Variants in SRP54 observed in about 807,000 individuals in gnomAD.
The protein encoded by SRP54 is signal recognition particle 54.
A neutral mutation model predicts 64.8 loss-of-function variants in SRP54; 10 were observed. That is an observed-to-expected ratio of 0.15 (90% CI 0.10 to 0.26). SRP54 has a LOEUF of 0.26. Ranked by LOEUF, SRP54 falls within the 10% of genes least tolerant of loss-of-function variation. The probability of loss-of-function intolerance (pLI) is 1.00; values close to 1 mark genes in which losing one functional copy is unlikely to be tolerated. For missense variants in SRP54, 325 were observed against 613.7 expected, an observed-to-expected ratio of 0.53 and a Z score of 4.97; for synonymous variants, 193 against 185.6, an observed-to-expected ratio of 1.04 and a Z score of -0.32.
At chr14:35,007,969 A>T (rs888561794) in intron 5 of SRP54, among the ~76,000 whole-genome samples, 7 of 151,140 alleles carry the variant, frequency 4.6e-5, no homozygotes, top group African/African-American at 1.7e-4. Flanking sequence ...TTCTTTTATT[A>T]AAAAAAGACC....
Position 35,027,274 on chromosome 14 carries a change from C to A in SRP54, c.1328-814C>A, listed in dbSNP as rs929266092. Among the ~76,000 whole-genome samples, 13 of 151,916 alleles carry A rather than the reference C, an allele frequency of 8.6e-5. 1 individual carries two copies. Among genetic ancestry groups the A allele is most frequent in the Admixed American group, 8.5e-4 (13 of 15,244 alleles). ...CGAACTCCTGACCTCAAGTGATCTG[C>A]CAGCCTCGGCCTCCCAGAGTGCTAG... On this transcript the variant is annotated intron_variant, in intron 14 of 15. Transcript: ENST00000216774.
intron 1 of SRP54, among the ~76,000 whole-genome samples, chr14:34,987,257 A>ATG (rs2043912958): frequency 8.6e-6 from 1 of 116,380 alleles, no homozygotes; most frequent in African/African-American, 2.8e-5. Flanking sequence ...ATATATATAT[A>ATG]TATGTGTGTG....
chr14:34,989,517 G>T (rs1471461613), intron 1 of SRP54, among the ~76,000 whole-genome samples: 1 of 152,058 alleles, frequency 6.6e-6, no homozygotes, highest in Admixed American at 6.6e-5. Flanking sequence ...AATAGGATTT[G>T]ACATAGCTAA....
At chr14:35,002,051 A>T (rs1337365701) in intron 4 of SRP54, among the ~76,000 whole-genome samples, 4 of 151,554 alleles carry the variant, frequency 2.6e-5, no homozygotes, top group Admixed American at 6.6e-5. Flanking sequence ...AAAAAAAAAA[A>T]TTGATAAAAA....
chr14:35,006,893 A>G (rs912682634), intron 4 of SRP54, among the ~76,000 whole-genome samples: 1 of 152,194 alleles, frequency 6.6e-6, no homozygotes, highest in African/African-American at 2.4e-5. Context: ...GTCCTTATTT[A>G]TATAATTTAA....
At chr14:34,994,468 A>C (rs1163001704) in intron 1 of SRP54, among the ~76,000 whole-genome samples, 2 of 152,178 alleles carry the variant, frequency 1.3e-5, no homozygotes, top group African/African-American at 4.8e-5. Context: ...GATATTCCCC[A>C]GACCGTGTTT....
chr14:34,999,871 T>G (rs1265912473), intron 3 of SRP54: 1 of 335,744 alleles, frequency 3.0e-6, no homozygotes, highest in Non-Finnish European at 5.5e-6. Flanking sequence ...AATTACATAT[T>G]TTTTTCTATT....
At chr14:35,005,658 T>C (rs1275755796) in intron 4 of SRP54, among the ~76,000 whole-genome samples, 7 of 152,152 alleles carry the variant, frequency 4.6e-5, no homozygotes, top group Non-Finnish European at 5.9e-5. Flanking sequence ...GTCCCCCCGC[T>C]GAAAGGGCCG....
chr14:35,001,925 G>A (rs1184225621), intron 4 of SRP54, among the ~76,000 whole-genome samples: 1 of 152,054 alleles, frequency 6.6e-6, no homozygotes, highest in Admixed American at 6.6e-5. Flanking sequence ...TTTAGTCCAG[G>A]CATGGTGGCT....
At chr14:34,988,243 T>A (rs1315477814) in intron 1 of SRP54, among the ~76,000 whole-genome samples, 1 of 152,040 alleles carries the variant, frequency 6.6e-6, no homozygotes, top group Non-Finnish European at 1.5e-5. Flanking sequence ...AAAGTCATAA[T>A]TAACATTGTA....
rs1260891125 is a variant in SRP54, at chr14:35,017,854, G to T, written c.974-838G>T. Among the ~76,000 whole-genome samples the T allele has an allele frequency of 2.6e-5, 4 of 152,232 alleles. No individual in the cohort carries two copies. In the East Asian group the frequency reaches 5.8e-4, roughly 22 times the overall value. On this transcript the variant is annotated intron_variant, in intron 11 of 15. Coordinates refer to ENST00000216774, the MANE Select transcript of SRP54 (RefSeq NM_003136.4). ...TAGAAGTCCTGGGCTGTGCATGGTG[G>T]CTCACACTGTAATCCTAGTGCTTTA...
Position 35,029,057 on chromosome 14 carries a change from C to G in SRP54, c.1424-4C>G, listed in dbSNP as rs2044681180. The G allele has an allele frequency of 1.2e-6, 2 of 1,612,192 alleles. No individual in the cohort carries two copies. Among genetic ancestry groups the G allele is most frequent in the East Asian group, 2.2e-5 (1 of 44,786 alleles). On this transcript the variant is annotated splice_polypyrimidine_tract_variant and splice_region_variant and intron_variant, in intron 15 of 15. Coordinates refer to ENST00000216774, the MANE Select transcript of SRP54 (RefSeq NM_003136.4). ...TTAACTCTACTTCCCTACTTTTGCTCTAGGTGGTATGGCAGGACTTCAGTC... is the reference window on the plus strand; with the variant it reads ...TTAACTCTACTTCCCTACTTTTGCTGTAGGTGGTATGGCAGGACTTCAGTC...
At chr14:35,000,305 C>T (rs1594988111) in intron 3 of SRP54, among the ~76,000 whole-genome samples, 1 of 152,132 alleles carries the variant, frequency 6.6e-6, no homozygotes, top group Non-Finnish European at 1.5e-5. Flanking sequence ...CAGTAGCTCA[C>T]GCCTGTAATC....
chr14:35,025,863 T>C (rs2044612235), intron 14 of SRP54, among the ~76,000 whole-genome samples: 1 of 152,162 alleles, frequency 6.6e-6, no homozygotes, highest in African/African-American at 2.4e-5. Flanking sequence ...TTATAAATGC[T>C]TCTGAGAAGT....
intron 1 of SRP54, 110 bp from the exon 2 acceptor site, chr14:34,996,567 A>T (rs559111162): frequency 1.4e-5 from 9 of 627,346 alleles, no homozygotes; most frequent in Non-Finnish European, 2.6e-5. Context: ...ATGGAAGGTG[A>T]TCTTACAGTA....
Position 35,003,926 on chromosome 14 carries a change from C to T in SRP54, c.255+2906C>T, listed in dbSNP as rs536076601. On this transcript the variant is annotated intron_variant, in intron 4 of 15. Coordinates refer to ENST00000216774, the MANE Select transcript of SRP54 (RefSeq NM_003136.4). ...TCCAGCCTGGGTGACAGAGCGAGAC[C>T]TGTCTCAAAATAAATAAATAAATAA... Among the ~76,000 whole-genome samples, 21 of 107,938 alleles carry T rather than the reference C, an allele frequency of 1.9e-4. No homozygotes were observed. In the South Asian group the frequency reaches 6.9e-3, roughly 36 times the overall value. 70.8% of individuals were successfully genotyped at this position (107,938 alleles called of 152,430 possible). A position where few individuals can be genotyped will look rare whatever the true frequency, so the allele number is the denominator to read the frequency against.
chr14:35,001,948 C>T (rs2044180033), intron 4 of SRP54, among the ~76,000 whole-genome samples: 1 of 151,528 alleles, frequency 6.6e-6, no homozygotes, highest in South Asian at 2.1e-4. Flanking sequence ...TGCCTGTAAT[C>T]ACAGTGCTTT....
At chr14:35,000,053 C>T (rs1287967350) in intron 3 of SRP54, among the ~76,000 whole-genome samples, 1 of 151,914 alleles carries the variant, frequency 6.6e-6, no homozygotes, top group Non-Finnish European at 1.5e-5. Context: ...CTCTTTTGTT[C>T]TCCTTTTGGT....
In SRP54 at chr14:35,001,979, T is replaced by C. The variant is rs375251520; in HGVS notation, c.255+959T>C. On this transcript the variant is annotated intron_variant, in intron 4 of 15. Transcript: ENST00000216774. ...GCTTTGGGAGGCGGAGGTGGGAGGA[T>C]TGCTTGAGGCCAGGAGTTTGAGACC... Among the ~76,000 whole-genome samples, 3 of 151,730 alleles carry C rather than the reference T, an allele frequency of 2.0e-5. No individual in the cohort carries two copies. The East Asian group carries it at 5.8e-4, about 29-fold the overall frequency.
Sources: gnomAD v4.1 joint callset for allele counts (sites outside exome capture counted in the v4.1 genomes callset) on GRCh38, gnomAD v4.1.1 for gene constraint, MANE v1.5 for transcripts, NCBI Gene and HGNC (gene_info 2026-07-23, HGNC 2026-07-21) for gene names.